PGK1: variants seen among roughly 807,000 people sequenced by gnomAD.
PGK1 encodes the protein phosphoglycerate kinase 1.
Under a neutral mutation model 26.9 loss-of-function variants are expected in PGK1, and 3 were observed. That is an observed-to-expected ratio of 0.11 (90% CI 0.05 to 0.29). The LOEUF (loss-of-function observed/expected upper bound fraction) is 0.29, where lower values mean the gene tolerates loss of function less well. Ranked by LOEUF, PGK1 falls within the 10% of genes least tolerant of loss-of-function variation. The probability of loss-of-function intolerance (pLI) is 1.00; values close to 1 mark genes in which losing one functional copy is unlikely to be tolerated. For synonymous variants in PGK1, 125 were observed against 115.3 expected (o/e 1.08, Z -0.54); for missense variants, 270 against 314.7 (o/e 0.86, Z 1.07).
rs377001714 is a variant in PGK1 at position 78,118,074 on chromosome X, C to T, written c.545C>T (p.Pro182Leu). 34 of 1,204,923 alleles carry T rather than the reference C, an allele frequency of 2.8e-5. No homozygotes were observed. Among genetic ancestry groups the T allele is most frequent in the Non-Finnish European group, 3.8e-5 (34 of 891,881 alleles). Residue 182 changes from proline to leucine, a missense_variant, in exon 6 of 11, where the codon CCA (proline) becomes CTA (leucine). Pro to Leu is a moderately conservative substitution (Grantham distance 98). Coordinates refer to ENST00000373316, the MANE Select transcript of PGK1 (RefSeq NM_000291.4). ...AHSSMVGVNL[P>L]QKAGGFLMKK... Reference sequence around the variant, plus strand: ...AGCTCCATGGTAGGAGTCAATCTGCCACAGAAGGCTGGTGGGTTTTTGATG... The same window carrying T: ...AGCTCCATGGTAGGAGTCAATCTGCTACAGAAGGCTGGTGGGTTTTTGATG...
chrX:78,119,572 C>CTT (rs1267151867), intron 6 of PGK1, among the ~76,000 whole-genome samples: 1 of 111,903 alleles, frequency 8.9e-6, no homozygotes, highest in African/African-American at 3.3e-5. Context: ...CTGTTTGGCT[C>CTT]TGTGTCTCCA....
At chrX:78,110,716 A>G (rs1052682281) in intron 2 of PGK1, among the ~76,000 whole-genome samples, 1 of 110,798 alleles carries the variant, frequency 9.0e-6, no homozygotes, top group Non-Finnish European at 1.9e-5. Flanking sequence ...TACTAAGGTT[A>G]TATGTAGTTT....
intron 6 of PGK1, among the ~76,000 whole-genome samples, chrX:78,118,948 G>T (rs956774353): frequency 8.9e-6 from 1 of 111,867 alleles, no homozygotes; most frequent in Non-Finnish European, 1.9e-5. Flanking sequence ...GCTCCTTGAT[G>T]TAGTCCATGC....
In PGK1 at chrX:78,114,102, A is replaced by C. The variant is rs1557247203; in HGVS notation, c.359A>C (p.Glu120Ala). The change falls in exon 4 of 11, where the codon GAG (glutamate) becomes GCG (alanine). Residue 120 changes from glutamate to alanine, a missense_variant. Physicochemically the swap from Glu to Ala is moderately radical, Grantham distance 107 (BLOSUM62 -1). This residue lies in a region of PGK1 where 150 missense variants were observed against 154.6 expected (regional missense o/e 0.97). Transcript: ENST00000373316. ...NPAAGSVILL[E>A]NLRFHVEEEG... Reference sequence around the variant, plus strand: ...GCTGCTGGGTCTGTCATCCTGCTGGAGAACCTCCGCTTTCATGTGGAGGAA... The same window carrying C: ...GCTGCTGGGTCTGTCATCCTGCTGGCGAACCTCCGCTTTCATGTGGAGGAA... 8.3e-7 allele frequency: 1 copy of C among 1,210,118 alleles called. No homozygotes were observed. Among genetic ancestry groups the C allele is most frequent in the Non-Finnish European group, 1.1e-6 (1 of 893,906 alleles).
intron 1 of PGK1, among the ~76,000 whole-genome samples, chrX:78,105,382 G>A (rs1389261537): frequency 1.8e-5 from 2 of 111,958 alleles, no homozygotes; most frequent in Admixed American, 9.4e-5. Context: ...ACCTTAACAG[G>A]ATCCAAGAGT....
intron 1 of PGK1, among the ~76,000 whole-genome samples, chrX:78,106,946 C>G (rs1443294373): frequency 9.1e-6 from 1 of 109,807 alleles, no homozygotes; most frequent in Non-Finnish European, 1.9e-5. Flanking sequence ...GGAAGAGAAA[C>G]AGGAAAAAAT....
intron 6 of PGK1, 35 bp downstream of exon 6, chrX:78,118,205 T>C: frequency 8.3e-7 from 1 of 1,200,619 alleles, no homozygotes; most frequent in Non-Finnish European, 1.1e-6. Flanking sequence ...GCTTTAAGTA[T>C]TGTTTGCCTG....
chrX:78,110,824 C>T (rs538357134), intron 2 of PGK1, among the ~76,000 whole-genome samples: 2 of 110,411 alleles, frequency 1.8e-5, no homozygotes, highest in Non-Finnish European at 3.8e-5. Flanking sequence ...TTCAGAAGTA[C>T]GTTTTCAGTC....
chrX:78,118,316 T>C, intron 6 of PGK1, 146 bp downstream of exon 6: 1 of 636,131 alleles, frequency 1.6e-6, no homozygotes, highest in Non-Finnish European at 2.5e-6. Context: ...GCATGGTGGC[T>C]CACACCTGTA....
intron 1 of PGK1, among the ~76,000 whole-genome samples, chrX:78,109,459 CAG>C (rs782706534): frequency 9.0e-6 from 1 of 111,305 alleles, no homozygotes; most frequent in South Asian, 3.8e-4. Context: ...CAGGCCCAGA[CAG>C]ATATCTTTTT....
intron 1 of PGK1, among the ~76,000 whole-genome samples, chrX:78,107,091 A>G (rs1557246274): frequency 9.0e-6 from 1 of 111,345 alleles, no homozygotes; most frequent in Non-Finnish European, 1.9e-5. Flanking sequence ...TTCAGGTGAT[A>G]GAGACTTGAT....
chrX:78,110,983 T>A (rs79039970), intron 2 of PGK1, among the ~76,000 whole-genome samples: 3,272 of 70,656 alleles, frequency 0.046, 130 homozygotes, highest in Admixed American at 0.21. Flanking sequence ...TTTGTAGATT[T>A]TATATATATA....
At position 78,122,832 on chromosome X, in the gene PGK1, T is replaced by C. The variant is rs1557248171; in HGVS notation, c.642-3T>C. On this transcript the variant is annotated splice_region_variant and splice_polypyrimidine_tract_variant and intron_variant, in intron 6 of 10. Transcript: ENST00000373316. ...AAGTGATGATTCTTGCTTTCTCTTG[T>C]AGAGCTAAAGTTGCAGACAAGATCC... 9.1e-7 allele frequency: 1 copy of C among 1,102,646 alleles called. No individual in the cohort carries two copies. The highest frequency in any genetic ancestry group is 1.3e-6 in the Non-Finnish European group (1 of 797,291). 90.9% of individuals were successfully genotyped at this position (1,102,646 alleles called of 1,213,427 possible). A position where few individuals can be genotyped will look rare whatever the true frequency, so the allele number is the denominator to read the frequency against.
In PGK1 at chrX:78,128,118, C is replaced by T. The variant is rs1185672784; in HGVS notation, c.*2288C>T. On this transcript the variant is annotated 3_prime_UTR_variant, in exon 11 of 11. Coordinates refer to ENST00000373316, the MANE Select transcript of PGK1 (RefSeq NM_000291.4). ...GAATCTCCAGTCATAAACAACTTGT[C>T]AATTAGGCAAATATTTGAGTTCCTT... 2.7e-5 allele frequency: 3 copies of T among 112,737 alleles called. No homozygotes were observed. The highest frequency in any genetic ancestry group is 3.7e-5 in the Non-Finnish European group (2 of 53,368). 9.3% of individuals were successfully genotyped at this position (112,737 alleles called of 1,213,427 possible). A position where few individuals can be genotyped will look rare whatever the true frequency, so the allele number is the denominator to read the frequency against.
intron 4 of PGK1, 55 bp downstream of exon 4, chrX:78,114,215 C>G: frequency 9.0e-7 from 1 of 1,106,034 alleles, no homozygotes; most frequent in Non-Finnish European, 1.3e-6. Context: ...CTGTAAGAGA[C>G]TGTGGTTGAA....
intron 1 of PGK1, among the ~76,000 whole-genome samples, chrX:78,108,547 G>A (rs782793691): frequency 2.0e-4 from 22 of 112,161 alleles, no homozygotes; most frequent in Non-Finnish European, 1.3e-4. Flanking sequence ...CTTTGGAAAG[G>A]CTGTTCTTCA....
intron 2 of PGK1, 89 bp downstream of exon 2, chrX:78,110,006 A>C (rs1424640669): frequency 3.2e-6 from 2 of 616,092 alleles, no homozygotes; most frequent in Non-Finnish European, 5.6e-6. Context: ...GTATTATGGA[A>C]CTGTAGCAAC....
intron 6 of PGK1, among the ~76,000 whole-genome samples, chrX:78,118,634 T>A (rs1351012810): frequency 1.8e-5 from 2 of 110,052 alleles, no homozygotes; most frequent in Non-Finnish European, 3.8e-5. Flanking sequence ...CATACAGAGG[T>A]GTGGGTAGGG....
At chrX:78,114,184 A>T in intron 4 of PGK1, 24 bp downstream of exon 4, 1 of 1,195,193 alleles carries the variant, frequency 8.4e-7, no homozygotes, top group African/African-American at 1.7e-5. Context: ...TTTTGACATT[A>T]TTGGGGGTGA....
Sources: allele counts gnomAD v4.1 joint callset (sites outside exome capture counted in the v4.1 genomes callset), GRCh38; gene constraint gnomAD v4.1.1; regional missense constraint gnomAD v4.1.1; transcripts MANE v1.5; gene names NCBI Gene and HGNC (gene_info 2026-07-23, HGNC 2026-07-21).